Variants in EMC8 observed in about 807,000 individuals in gnomAD.
EMC8 encodes the protein COX4 neighbor.
EMC8 carries 11 observed loss-of-function variants against 24.3 expected under a neutral mutation model. The ratio of observed to expected loss-of-function variants is 0.45; its 90% confidence interval spans 0.28 to 0.75. EMC8 has a LOEUF of 0.75. EMC8 is among the 30% of genes least tolerant of loss of function. EMC8 has a pLI of 0.12. For missense variants in EMC8, 277 were observed against 282.7 expected (o/e 0.98, Z 0.14); for synonymous variants, 145 against 117.7 (o/e 1.23, Z -1.50).
intron 2 of EMC8, chr16:85,781,614 C>CCTT (rs1555595521): frequency 1.5e-5 from 2 of 129,094 alleles, no homozygotes; most frequent in Non-Finnish European, 3.0e-5. Flanking sequence ...TTTTTTTTTG[C>CCTT]TTTTTTTTTT....
At chr16:85,784,544 T>C (rs1904661307) in intron 2 of EMC8, 2 of 152,030 alleles carry the variant, frequency 1.3e-5, no homozygotes, top group South Asian at 4.1e-4. Flanking sequence ...TTAAGAAAAA[T>C]ATGACTTAAG....
chr16:85,788,351 T>C (rs886589068), intron 2 of EMC8, among the ~76,000 whole-genome samples: 3 of 152,274 alleles, frequency 2.0e-5, no homozygotes, highest in African/African-American at 4.8e-5. Flanking sequence ...GTGCGTTATC[T>C]ACGGCCCAGG....
intron 1 of EMC8, among the ~76,000 whole-genome samples, chr16:85,791,664 T>A (rs979155812): frequency 6.6e-6 from 1 of 152,202 alleles, no homozygotes; most frequent in African/African-American, 2.4e-5. Flanking sequence ...AGAGCTGTGC[T>A]TCTTCAGGAT....
chr16:85,797,729 TGGAGGAG>T (rs1205639360), intron 1 of EMC8, among the ~76,000 whole-genome samples: 4 of 152,194 alleles, frequency 2.6e-5, no homozygotes, highest in Non-Finnish European at 5.9e-5. Context: ...TTTTACTTGG[TGGAGGAG>T]GGACACAGAT....
At position 85,794,506 on chromosome 16, in the gene EMC8, C is replaced by T. The variant is rs8057601; in HGVS notation, c.231+4559G>A. Among the ~76,000 whole-genome samples, 1,417 of 152,100 alleles carry T rather than the reference C, an allele frequency of 9.3e-3. 22 individuals are homozygous for T. Among genetic ancestry groups the T allele is most frequent in the African/African-American group, 0.033 (1,370 of 41,480 alleles). ...GAGATCGAGACCCGCCTGGGTGACA[C>T]GGTGAAACCTTGTCTACTAAAATAA... On this transcript the variant is annotated intron_variant, in intron 1 of 4. Transcript: ENST00000253457.
intron 1 of EMC8, among the ~76,000 whole-genome samples, chr16:85,796,076 C>T (rs1362195960): frequency 2.6e-5 from 4 of 152,258 alleles, no homozygotes; most frequent in Admixed American, 2.0e-4. Flanking sequence ...CTTCAGAAGT[C>T]ACCGGCACAC....
chr16:85,780,553 C>A, intron 3 of EMC8, 80 bp from the exon 4 acceptor site: 2 of 1,001,714 alleles, frequency 2.0e-6, no homozygotes, highest in East Asian at 2.5e-5. Context: ...GGGGCTCTCC[C>A]TGCAGCCGTG....
intron 2 of EMC8, among the ~76,000 whole-genome samples, chr16:85,788,297 C>T (rs1458960876): frequency 6.6e-6 from 1 of 152,274 alleles, no homozygotes; most frequent in Non-Finnish European, 1.5e-5. Flanking sequence ...TCCTCCCCAC[C>T]CTTTGGGCTG....
chr16:85,785,970 T>A (rs1214731225), intron 2 of EMC8, among the ~76,000 whole-genome samples: 1 of 151,700 alleles, frequency 6.6e-6, no homozygotes, highest in Non-Finnish European at 1.5e-5. Flanking sequence ...CAACAATGAA[T>A]CATATAATAA....
intron 2 of EMC8, chr16:85,784,712 T>C (rs370598194): frequency 6.6e-6 from 1 of 152,030 alleles, no homozygotes; most frequent in East Asian, 1.9e-4. Flanking sequence ...GAAGAGTGGG[T>C]ACAGAGCCCT....
rs75344796 is a variant in EMC8, at chr16:85,779,212, T to C, written c.*496A>G. ...ACCACAGAAACACCCACACAGAGCT[T>C]CTCAAACAGCTCAGCACCAGCACTC... On this transcript the variant is annotated 3_prime_UTR_variant, in exon 5 of 5. Transcript: ENST00000253457. 2.9e-4 allele frequency: 46 copies of C among 155,998 alleles called. No homozygotes were observed. In the East Asian group the frequency reaches 8.5e-3, roughly 29 times the overall value. The allele number at this position is 155,998 out of a possible 1,614,324, so 9.7% of individuals were successfully genotyped here. A position where few individuals can be genotyped will look rare whatever the true frequency, so the allele number is the denominator to read the frequency against.
At chr16:85,789,757 A>C (rs1220352095) in intron 1 of EMC8, among the ~76,000 whole-genome samples, 1 of 150,818 alleles carries the variant, frequency 6.6e-6, no homozygotes, top group African/African-American at 2.4e-5. Flanking sequence ...ATGCCACTGC[A>C]CTCCAGCCTG....
In EMC8 at chr16:85,799,058, C is replaced by A. The variant is rs1462744022; in HGVS notation, c.231+7G>T. 4 of 1,531,634 alleles carry A rather than the reference C, an allele frequency of 2.6e-6. No homozygotes were observed. In the South Asian group the frequency reaches 3.6e-5, roughly 14 times the overall value. The allele number at this position is 1,531,634 out of a possible 1,614,324, so 94.9% of individuals were successfully genotyped here. ...CTGCAAGGGGAAGGGGCCCTTTCCG[C>A]GCTTACCAGGGTGAGAGCCACCTCC... On this transcript the variant is annotated splice_region_variant and intron_variant, in intron 1 of 4. Transcript: ENST00000253457. The surrounding 1 kb of genome is among the most constrained non-coding windows in gnomAD (Gnocchi z 4.2).
Position 85,779,780 on chromosome 16 carries a change from A to T in EMC8, c.561T>A (p.Asp187Glu). 10 of 1,614,212 alleles carry T rather than the reference A, an allele frequency of 6.2e-6. No individual in the cohort carries two copies. The highest frequency in any genetic ancestry group is 8.5e-6 in the Non-Finnish European group (10 of 1,180,022). Reference sequence around the variant, plus strand: ...CATTCCGAATGTCATCCAGGTGGTTATCGAAATCCACGAGCGTCTCGTAGG... The same window carrying T: ...CATTCCGAATGTCATCCAGGTGGTTTTCGAAATCCACGAGCGTCTCGTAGG... The part of the protein sequence containing the change: ...SRSYETLVDF[D>E]NHLDDIRNDW... The change falls in exon 5 of 5, where the codon GAT (aspartate) becomes GAA (glutamate). Residue 187 changes from aspartate (D) to glutamate (E), a missense_variant. Coordinates refer to ENST00000253457, the MANE Select transcript of EMC8 (RefSeq NM_006067.5).
Position 85,779,541 on chromosome 16 carries a change from T to G in EMC8, c.*167A>C. 1.6e-6 allele frequency: 1 copy of G among 643,166 alleles called. No homozygotes were observed. The highest frequency in any genetic ancestry group is 2.7e-6 in the Non-Finnish European group (1 of 374,714). 39.8% of individuals were successfully genotyped at this position (643,166 alleles called of 1,614,324 possible). A position where few individuals can be genotyped will look rare whatever the true frequency, so the allele number is the denominator to read the frequency against. ...CTGCACCTCTTCTAGAGACTCTGTG[T>G]TAAAAACACGACCGACTGAACATTC... On this transcript the variant is annotated 3_prime_UTR_variant, in exon 5 of 5. Transcript: ENST00000253457.
intron 3 of EMC8, 98 bp downstream of exon 3, chr16:85,781,113 G>C: frequency 1.2e-6 from 1 of 813,882 alleles, no homozygotes; most frequent in Non-Finnish European, 2.1e-6. Flanking sequence ...AGATAAATGA[G>C]TGAAGGGGTT....
intron 1 of EMC8, among the ~76,000 whole-genome samples, chr16:85,792,010 A>G (rs941918718): frequency 3.0e-4 from 46 of 152,174 alleles, no homozygotes; most frequent in Non-Finnish European, 2.9e-5. Context: ...ACCATAGGAC[A>G]TATTTTTTAC....
intron 3 of EMC8, chr16:85,780,956 G>A (rs556483285): frequency 1.9e-5 from 10 of 534,296 alleles, no homozygotes; most frequent in African/African-American, 1.3e-4. Context: ...CTGGGAATTC[G>A]CATTTCTAAC....
chr16:85,792,073 T>C (rs1305391131), intron 1 of EMC8, among the ~76,000 whole-genome samples: 1 of 152,208 alleles, frequency 6.6e-6, no homozygotes, highest in Non-Finnish European at 1.5e-5. Flanking sequence ...AGTTGGCTAC[T>C]CCATCTCTTT....
Sources: allele counts gnomAD v4.1 joint callset (sites outside exome capture counted in the v4.1 genomes callset), GRCh38; gene constraint gnomAD v4.1.1; non-coding constraint Gnocchi (gnomAD v3.1); transcripts MANE v1.5; gene names NCBI Gene and HGNC (gene_info 2026-07-23, HGNC 2026-07-21).